The following NFIB variants were observed in gnomAD, a reference collection of about 807,000 sequenced individuals.
NFIB encodes nuclear factor I B.
In NFIB, 11 loss-of-function variants were observed where a neutral mutation model predicts 61.5. That is an observed-to-expected ratio of 0.18 (90% confidence interval 0.11 to 0.30). The LOEUF (loss-of-function observed/expected upper bound fraction) is 0.30. Among genes scored for constraint, NFIB ranks in the 10% least tolerant of loss-of-function variants. The pLI is 1.00. For missense variants in NFIB, 471 were observed against 608.9 expected, an observed-to-expected ratio of 0.77 and a Z score of 2.38; for synonymous variants, 260 against 216.5, an observed-to-expected ratio of 1.20 and a Z score of -1.76.
At chr9:14,245,073 GGGATAACAACAGC>G (rs2054761283) in intron 2 of NFIB, among the ~76,000 whole-genome samples, 2 of 152,100 alleles carry the variant, frequency 1.3e-5, no homozygotes, top group African/African-American at 4.8e-5. Flanking sequence ...TCAAAGGTTT[GGGATAACAACAGC>G]TAAATTCAGA....
chr9:14,309,049 T>C (rs1375257387), intron 1 of NFIB, among the ~76,000 whole-genome samples: 2 of 152,208 alleles, frequency 1.3e-5, no homozygotes, highest in Non-Finnish European at 2.9e-5. Flanking sequence ...TTTCTGATCA[T>C]ATTGACTATA....
the NFIB span, among the ~76,000 whole-genome samples, chr9:14,427,302 T>C: frequency 6.6e-6 from 1 of 152,172 alleles, no homozygotes; most frequent in Non-Finnish European, 1.5e-5. Context: ...ATAGTGAATA[T>C]TTGTATTGTG....
At chr9:14,132,436 T>C (rs919417284) in intron 6 of NFIB, among the ~76,000 whole-genome samples, 3 of 152,232 alleles carry the variant, frequency 2.0e-5, no homozygotes, top group African/African-American at 7.2e-5. Context: ...GCTAAGTGCT[T>C]ATAAAGCTAT....
rs2131436891 is a variant in NFIB, at chr9:14,179,765, C to A, written c.578G>T (p.Gly193Val). ...YVQEQDSGQS[G>V]SPSHNDPAKN... ...GGCAGGATCATTGTGGCTTGGACTTCCTGATTGTCCAGAATCTGTAAAGAA... is the reference window on the plus strand; with the variant it reads ...GGCAGGATCATTGTGGCTTGGACTTACTGATTGTCCAGAATCTGTAAAGAA... Residue 193 changes from glycine (G) to valine (V), a missense_variant, in exon 3 of 11, where the codon GGA becomes GTA. Transcript: ENST00000380953. The A allele has an allele frequency of 6.2e-7, 1 of 1,613,064 alleles. No individual in the cohort carries two copies. The highest frequency in any genetic ancestry group is 8.5e-7 in the Non-Finnish European group (1 of 1,179,412).
At chr9:14,156,620 G>C (rs1341629566) in intron 3 of NFIB, among the ~76,000 whole-genome samples, 1 of 152,182 alleles carries the variant, frequency 6.6e-6, no homozygotes, top group Non-Finnish European at 1.5e-5. Context: ...CACCGGGGCA[G>C]GGTCCACAGT....
the NFIB span, among the ~76,000 whole-genome samples, chr9:14,459,981 C>G: frequency 6.6e-6 from 1 of 152,024 alleles, no homozygotes; most frequent in Non-Finnish European, 1.5e-5. Flanking sequence ...GGATCTAGAA[C>G]TAGAAATACC....
intron 2 of NFIB, among the ~76,000 whole-genome samples, chr9:14,280,239 A>G (rs1483583594): frequency 1.1e-4 from 17 of 152,140 alleles, no homozygotes; most frequent in Admixed American, 1.1e-3. Context: ...ACCACTTGCT[A>G]GTTGTGTGAC....
chr9:14,411,605 T>C, the NFIB span, among the ~76,000 whole-genome samples: 18 of 152,182 alleles, frequency 1.2e-4, no homozygotes, highest in Non-Finnish European at 2.6e-4. Context: ...CAAATCTTCA[T>C]GAGCCACGGA....
chr9:14,319,449 T>C (rs2060614575), intron 1 of NFIB, among the ~76,000 whole-genome samples: 2 of 152,246 alleles, frequency 1.3e-5, no homozygotes, highest in South Asian at 4.1e-4. Flanking sequence ...ATAGAGGTAA[T>C]AGTTGCCTCA....
intron 2 of NFIB, among the ~76,000 whole-genome samples, chr9:14,210,201 T>C (rs1331830861): frequency 6.6e-6 from 1 of 152,184 alleles, no homozygotes; most frequent in Non-Finnish European, 1.5e-5. Flanking sequence ...TTTTGCTTCC[T>C]TTTTAGAATG....
chr9:14,405,743 A>G, the NFIB span, among the ~76,000 whole-genome samples: 2 of 152,218 alleles, frequency 1.3e-5, no homozygotes, highest in African/African-American at 4.8e-5. Flanking sequence ...GGAAATCAGA[A>G]TGAATAAGAC....
chr9:14,396,023 G>A (rs187223285), intron 1 of NFIB, among the ~76,000 whole-genome samples: 1 of 151,884 alleles, frequency 6.6e-6, no homozygotes. Flanking sequence ...CTGTGCTTGC[G>A]GATATTAATT....
At chr9:14,464,242 A>G in the NFIB span, among the ~76,000 whole-genome samples, 1 of 152,184 alleles carries the variant, frequency 6.6e-6, no homozygotes, top group Non-Finnish European at 1.5e-5. Context: ...TCATTTATGT[A>G]TGGTAAGAAT....
the NFIB span, among the ~76,000 whole-genome samples, chr9:14,493,591 T>C: frequency 6.6e-6 from 1 of 152,186 alleles, no homozygotes; most frequent in Non-Finnish European, 1.5e-5. Flanking sequence ...AATTGCTTCA[T>C]CTGTTCAATG....
the NFIB span, among the ~76,000 whole-genome samples, chr9:14,481,486 G>A: frequency 6.6e-6 from 1 of 151,388 alleles, no homozygotes; most frequent in Admixed American, 6.6e-5. Context: ...ACAAGACAAG[G>A]GTGACTCACA....
the NFIB span, among the ~76,000 whole-genome samples, chr9:14,439,572 T>C: frequency 6.6e-6 from 1 of 152,126 alleles, no homozygotes; most frequent in African/African-American, 2.4e-5. Flanking sequence ...ACCCCAGATG[T>C]GGGAGTGAGC....
At chr9:14,217,155 AT>A (rs1345316029) in intron 2 of NFIB, among the ~76,000 whole-genome samples, 1 of 152,194 alleles carries the variant, frequency 6.6e-6, no homozygotes, top group Non-Finnish European at 1.5e-5. Flanking sequence ...TTAAGAAAGA[AT>A]AACATTAATT....
chr9:14,344,092 G>C (rs2060987324), intron 1 of NFIB, among the ~76,000 whole-genome samples: 2 of 142,286 alleles, frequency 1.4e-5, no homozygotes, highest in South Asian at 2.1e-4. Context: ...TTTAAAGAGA[G>C]GGAGAGAGAG....
At chr9:14,447,399 T>C in the NFIB span, among the ~76,000 whole-genome samples, 7 of 152,154 alleles carry the variant, frequency 4.6e-5, no homozygotes, top group Non-Finnish European at 8.8e-5. Context: ...AGATGTGTTC[T>C]TTAGAGAGGA....
Sources: gnomAD v4.1 joint callset for allele counts (sites outside exome capture counted in the v4.1 genomes callset) on GRCh38, gnomAD v4.1.1 for gene constraint, MANE v1.5 for transcripts, NCBI Gene and HGNC (gene_info 2026-07-23, HGNC 2026-07-21) for gene names.